ADAD2: variants seen among roughly 807,000 people sequenced by gnomAD.
ADAD2 encodes adenosine deaminase domain containing 2, also known as adenosine deaminase domain-containing protein 2.
ADAD2 carries 60 observed loss-of-function variants against 54.5 expected under a neutral mutation model. The observed-to-expected ratio is 1.10, with a 90% CI of 0.89 to 1.36. ADAD2 has a LOEUF of 1.36. ADAD2 is among the 40% of genes most tolerant of loss of function. The pLI is 0.00. For synonymous variants in ADAD2, 543 were observed against 366.2 expected (o/e 1.48, Z -5.51); for missense variants, 1,103 against 801.3 (o/e 1.38, Z -4.54).
In ADAD2 at chr16:84,194,613, G is replaced by A. The variant is rs547249872; in HGVS notation, c.559+31G>A. 64 of 1,585,028 alleles carry A rather than the reference G, an allele frequency of 4.0e-5. No individual in the cohort carries two copies. The East Asian group carries it at 4.1e-4, about 10-fold the overall frequency. On this transcript the variant is annotated intron_variant, in intron 2 of 9. Transcript: ENST00000315906. ...GGAGGGAGGGCCAGGCAGCTGAGCC[G>A]CAGCTGGGGACAAGAGGACTGAGGC...
In ADAD2 at chr16:84,195,275, T is replaced by A. The variant is rs1227673044; in HGVS notation, c.734-21T>A. 2 of 1,612,026 alleles carry A rather than the reference T, an allele frequency of 1.2e-6. No homozygotes were observed. The highest frequency in any genetic ancestry group is 1.7e-6 in the Non-Finnish European group (2 of 1,179,780). On this transcript the variant is annotated intron_variant, in intron 4 of 9. Coordinates refer to ENST00000315906, the MANE Select transcript of ADAD2 (RefSeq NM_001145400.2). ...AAGCTCCTTGCCTTAGGCTGGGCCGTCTCTGCCCCCTCCTGCACAGAGATC... is the reference window on the plus strand; with the variant it reads ...AAGCTCCTTGCCTTAGGCTGGGCCGACTCTGCCCCCTCCTGCACAGAGATC...
At chr16:84,191,810 A>G (rs975373777) in intron 1 of ADAD2, 162 bp downstream of exon 1, 7 of 1,040,124 alleles carry the variant, frequency 6.7e-6, no homozygotes, top group African/African-American at 1.6e-5. Context: ...CTTGGGGTGG[A>G]CCCTGCTGTG....
rs550722533 is a variant in ADAD2, at chr16:84,194,337, A to G, written c.419-105A>G. ...GGAAGGGAAGGGTGGTGAGGGTCTC[A>G]TTATTCTGACCGTCCTCGATATCAG... On this transcript the variant is annotated intron_variant, in intron 1 of 9. Coordinates refer to ENST00000315906, the MANE Select transcript of ADAD2 (RefSeq NM_001145400.2). The G allele has an allele frequency of 6.5e-5, 101 of 1,544,590 alleles. No homozygotes were observed. In the African/African-American group the frequency reaches 1.1e-3, roughly 17 times the overall value.
In ADAD2 at chr16:84,195,314, G is replaced by A. The variant is rs371816001; in HGVS notation, c.752G>A (p.Gly251Asp). 6 of 1,610,972 alleles carry A rather than the reference G, an allele frequency of 3.7e-6. No individual in the cohort carries two copies. The African/African-American group carries it at 8.0e-5, about 22-fold the overall frequency. The change falls in exon 5 of 10, where the codon GGC becomes GAC. Residue 251 changes from glycine to aspartate, a missense_variant. By Grantham distance (94) the Gly-to-Asp change is moderately conservative. Transcript: ENST00000315906. Reference protein sequence around the residue: ...ILEREIPRARGHVKEIYKLVA... With the variant: ...ILEREIPRARDHVKEIYKLVA... ...TGCACAGAGATCCCGCGTGCCAGGG[G>A]CCACGTGAAGGAGATCTACAAGCTG...
intron 1 of ADAD2, among the ~76,000 whole-genome samples, chr16:84,192,394 ACCT>A (rs2089667029): frequency 6.6e-6 from 1 of 152,082 alleles, no homozygotes; most frequent in Admixed American, 6.5e-5. Context: ...CAGCTATCTG[ACCT>A]CCTGGGCCTC....
At position 84,195,136 on chromosome 16, in the gene ADAD2, C is replaced by T. The variant is rs148697513; in HGVS notation, c.675C>T (p.Asp225=). Residue 225 remains aspartate, a synonymous_variant, in exon 4 of 10, where the codon GAC becomes GAT. Transcript: ENST00000315906. ...GCGCCGGCTTTGACCTCCTGTTGGA[C>T]GAGCGCTCGCCATACTGGGCCTGTA... ...LVSAGFDLLL[D]ERSPYWACKG... The T allele has an allele frequency of 8.6e-5, 139 of 1,613,600 alleles. No individual in the cohort carries two copies. In the East Asian group the frequency reaches 1.9e-3, roughly 22 times the overall value.
Position 84,191,504 on chromosome 16 carries a change from G to A in ADAD2, c.274G>A (p.Gly92Arg), listed in dbSNP as rs1433615988. The A allele has an allele frequency of 1.3e-6, 2 of 1,543,208 alleles. No homozygotes were observed. Among genetic ancestry groups the A allele is most frequent in the Admixed American group, 2.0e-5 (1 of 50,250 alleles). Residue 92 changes from glycine (G) to arginine (R), a missense_variant, in exon 1 of 10, where the codon GGG becomes AGG. Coordinates refer to ENST00000315906, the MANE Select transcript of ADAD2 (RefSeq NM_001145400.2). ...RAWENLGEQM[G>R]KAPRVPVPPA... ...GTGGGAAAACTTGGGGGAACAGATG[G>A]GGAAGGCCCCGAGGGTCCCTGTGCC...
At chr16:84,192,114 C>T (rs57710044) in intron 1 of ADAD2, among the ~76,000 whole-genome samples, 2,630 of 152,258 alleles carry the variant, frequency 0.017, 83 homozygotes, top group African/African-American at 0.06. Context: ...ATACATACCC[C>T]TTAAATCCCT....
rs184754710 is a variant in ADAD2 at position 84,196,709 on chromosome 16, C to T, written c.1589C>T (p.Ala530Val). The change falls in exon 9 of 10, where the codon GCG (alanine) becomes GTG (valine). Residue 530 changes from alanine to valine, a missense_variant. Transcript: ENST00000315906. ...TCCTTTCTCCGGGCCTTTCACCAGG[C>T]GGCCAGGGCTGTGGGGAAGCCCTAC... ...KASFLRAFHQ[A>V]ARAVGKPYLL... 2.3e-4 allele frequency: 377 copies of T among 1,613,232 alleles called. 3 individuals carry two copies. The East Asian group carries it at 6.9e-3, about 30-fold the overall frequency.
chr16:84,195,689 TGA>T lies in ADAD2; in HGVS notation c.1045_1046del (p.Asp349HisfsTer39), dbSNP rs1189189084. 9.0e-6 allele frequency: 14 copies of T among 1,554,910 alleles called. No individual in the cohort carries two copies. Among genetic ancestry groups the T allele is most frequent in the South Asian group, 1.2e-5 (1 of 82,154 alleles). On this transcript the variant is annotated frameshift_variant, in exon 6 of 10. Transcript: ENST00000315906. LOFTEE classifies it high-confidence loss of function. The part of the protein sequence containing the change: ...ISNTPKGAAR[D>X]IYLPPTSEGG... ...GCAACACCCCCAAGGGCGCGGCCCG[TGA>T]CATCTAGTATGCAGGGCCCCCGGGG...
chr16:84,194,634 G>A, intron 2 of ADAD2, 52 bp downstream of exon 2: 6 of 1,564,738 alleles, frequency 3.8e-6, no homozygotes, highest in African/African-American at 1.4e-5. Flanking sequence ...CAAGAGGACT[G>A]AGGCTGGCAG....
intron 1 of ADAD2, chr16:84,194,179 A>T: frequency 6.3e-7 from 1 of 1,594,166 alleles, no homozygotes. Context: ...GTTTCTGCTC[A>T]TCTGTGAAAT....
intron 1 of ADAD2, among the ~76,000 whole-genome samples, chr16:84,192,168 A>G (rs1310849658): frequency 6.6e-6 from 1 of 152,146 alleles, no homozygotes; most frequent in Non-Finnish European, 1.5e-5. Context: ...TTTTTGAGAC[A>G]GGGTCTTACT....
chr16:84,195,504 A>T (rs756132506), intron 5 of ADAD2, 26 bp from the exon 6 acceptor site: 1 of 1,603,186 alleles, frequency 6.2e-7, no homozygotes, highest in South Asian at 1.1e-5. Flanking sequence ...AGGTCTTCCC[A>T]ACCACCCTGT....
rs756455296 is a variant in ADAD2 at position 84,196,221 on chromosome 16, C to T, written c.1377C>T (p.Tyr459=). ...TGGGGCCATGCCTGCCACCTCCCTA[C>T]GTCCGGACCGCCCTGCACCTGTTTG... The part of the protein sequence containing the change: ...SVLGPCLPPP[Y]VRTALHLFAG... The change falls in exon 8 of 10, where the codon TAC becomes TAT. Residue 459 remains tyrosine (Y), a synonymous_variant. Coordinates refer to ENST00000315906, the MANE Select transcript of ADAD2 (RefSeq NM_001145400.2). 41 of 1,611,192 alleles carry T rather than the reference C, an allele frequency of 2.5e-5. No individual in the cohort carries two copies. Among genetic ancestry groups the T allele is most frequent in the South Asian group, 1.8e-4 (16 of 91,076 alleles).
chr16:84,194,469 C>A lies in ADAD2; in HGVS notation c.446C>A (p.Ala149Glu), dbSNP rs200315066. The A allele has an allele frequency of 1.2e-6, 2 of 1,609,070 alleles. No individual in the cohort carries two copies. The highest frequency in any genetic ancestry group is 1.7e-6 in the Non-Finnish European group (2 of 1,179,670). Reference protein sequence around the residue: ...PGPCFPFSVSAELDGVVCPAG... With the variant: ...PGPCFPFSVSEELDGVVCPAG... ...CCCTGCTTCCCCTTCTCGGTGAGCG[C>A]GGAACTGGATGGGGTGGTCTGCCCT... is the stretch of plus-strand genomic sequence containing the variant. The change falls in exon 2 of 10, where the codon GCG becomes GAG. Residue 149 changes from alanine (A) to glutamate (E), a missense_variant. Transcript: ENST00000315906.
chr16:84,193,285 C>G (rs1021947534), intron 1 of ADAD2: 2 of 152,168 alleles, frequency 1.3e-5, no homozygotes, highest in African/African-American at 2.4e-5. Flanking sequence ...CCATTGTTTC[C>G]CATCCCAGTA....
chr16:84,193,173 A>G (rs996280410), intron 1 of ADAD2: 6 of 151,642 alleles, frequency 4.0e-5, no homozygotes, highest in Non-Finnish European at 7.4e-5. Flanking sequence ...TGTAACTACA[A>G]TACAATTATC....
In ADAD2 at chr16:84,195,147, C is replaced by T. The variant is rs1218588161; in HGVS notation, c.686C>T (p.Pro229Leu). ...GACCTCCTGTTGGACGAGCGCTCGC[C>T]ATACTGGGCCTGTAAGGGGACTGTG... ...GFDLLLDERS[P>L]YWACKGTVAG... The change falls in exon 4 of 10, where the codon CCA (proline) becomes CTA (leucine). Residue 229 changes from proline to leucine, a missense_variant. Pro to Leu is a moderately conservative substitution (Grantham distance 98, BLOSUM62 -3). Coordinates refer to ENST00000315906, the MANE Select transcript of ADAD2 (RefSeq NM_001145400.2). The T allele has an allele frequency of 1.2e-6, 2 of 1,613,460 alleles. No individual in the cohort carries two copies. Among genetic ancestry groups the T allele is most frequent in the Admixed American group, 1.7e-5 (1 of 60,000 alleles).
Sources: allele counts gnomAD v4.1 joint callset (sites outside exome capture counted in the v4.1 genomes callset), GRCh38; gene constraint gnomAD v4.1.1; transcripts MANE v1.5; gene names NCBI Gene and HGNC (gene_info 2026-07-23, HGNC 2026-07-21).